Variants in NEB observed in about 807,000 individuals in gnomAD.
The protein encoded by NEB is nemaline myopathy type 2.
A neutral mutation model predicts 952.2 loss-of-function variants in NEB; 512 were observed. The observed-to-expected ratio is 0.54, with a 90% CI of 0.50 to 0.58. The LOEUF is 0.58. Among genes scored for constraint, NEB ranks in the 20% least tolerant of loss-of-function variants. The pLI is 0.00. For missense variants in NEB, 8,428 were observed against 9,231.1 expected (o/e 0.91, Z 3.56); for synonymous variants, 2,900 against 3,149.8 (o/e 0.92, Z 2.66).
chr2:151,506,604 G>T (rs964761324), intron 163 of NEB, among the ~76,000 whole-genome samples: 2 of 152,134 alleles, frequency 1.3e-5, no homozygotes, highest in Non-Finnish European at 2.9e-5. Context: ...TTGGGGGAGG[G>T]ATAACAAAAG....
intron 10 of NEB, among the ~76,000 whole-genome samples, chr2:151,715,069 C>T (rs1285096141): frequency 6.6e-6 from 1 of 152,206 alleles, no homozygotes. Context: ...CCACAGCCAC[C>T]TCCCCTTAGC....
At chr2:151,564,555 G>A (rs1276464666) in intron 117 of NEB, among the ~76,000 whole-genome samples, 3 of 152,048 alleles carry the variant, frequency 2.0e-5, no homozygotes, top group African/African-American at 7.2e-5. Context: ...TTTCCCATTG[G>A]GTGCACACAT....
rs201291446 is a variant in NEB, at chr2:151,493,797, C to T, written c.24650G>A (p.Arg8217His). 61 of 1,582,370 alleles carry T rather than the reference C, an allele frequency of 3.9e-5. No individual in the cohort carries two copies. The East Asian group carries it at 7.9e-4, about 21-fold the overall frequency. ...TACCGAGCTAAAGTTTTCTTGATTG[C>T]GTTTCACTCTTTCCATCTCAGGAGT... is the stretch of plus-strand genomic sequence containing the variant. ...PFTPEMERVK[R>H]NQENFSSVLY... The change falls in exon 175 of 182, where the codon CGC becomes CAC. Residue 8217 changes from arginine to histidine, a missense_variant. Around this residue, in one of 11 missense-constraint regions of NEB, gnomAD observed 3,374 missense variants for 3,651.5 expected, o/e 0.92. Coordinates refer to ENST00000397345, the MANE Select transcript of NEB (RefSeq NM_001164508.2).
intron 75 of NEB, among the ~76,000 whole-genome samples, chr2:151,616,382 G>C (rs1026340978): frequency 4.6e-5 from 7 of 151,744 alleles, no homozygotes; most frequent in African/African-American, 1.7e-4. Flanking sequence ...CAAACAAGCA[G>C]ATGTAAAAAA....
chr2:151,621,043 T>G lies in NEB; in HGVS notation c.10453-17A>C, dbSNP rs2154027977. ...ATAGAGGCTCTGAGGAAAGAAGGAG[T>G]AGCTTTTAAATATAGAATTCACATT... On this transcript the variant is annotated splice_polypyrimidine_tract_variant and intron_variant, in intron 71 of 181. Transcript: ENST00000397345. 1.9e-6 allele frequency: 3 copies of G among 1,571,440 alleles called. No individual in the cohort carries two copies. The highest frequency in any genetic ancestry group is 2.6e-6 in the Non-Finnish European group (3 of 1,150,864).
At chr2:151,502,431 A>G (rs2065418490) in intron 167 of NEB, among the ~76,000 whole-genome samples, 1 of 152,148 alleles carries the variant, frequency 6.6e-6, no homozygotes, top group African/African-American at 2.4e-5. Flanking sequence ...AGAATACATT[A>G]AACAGCCACA....
In NEB at chr2:151,682,686, CT is replaced by C; in HGVS notation, c.2918del (p.Lys973SerfsTer84). 6.2e-7 allele frequency: 1 copy of C among 1,613,070 alleles called. No homozygotes were observed. Among genetic ancestry groups the C allele is most frequent in the Non-Finnish European group, 8.5e-7 (1 of 1,179,396 alleles). Reference sequence around the variant, plus strand: ...CCTCATTGAGGATGTCTGAAGCTCGCTTTGCCTTTTCCATTTCTAAGGACCC... The same window carrying C: ...CCTCATTGAGGATGTCTGAAGCTCGCTTGCCTTTTCCATTTCTAAGGACCC... The part of the protein sequence containing the change: ...PFGSLEMEKA[K>X]RASDILNEKK... On this transcript the variant is annotated frameshift_variant, in exon 29 of 182. Transcript: ENST00000397345. LOFTEE classifies it high-confidence loss of function.
chr2:151,673,583 CAG>C (rs2099326565), intron 36 of NEB, among the ~76,000 whole-genome samples: 1 of 152,130 alleles, frequency 6.6e-6, no homozygotes, highest in African/African-American at 2.4e-5. Context: ...AGGAAAGTAG[CAG>C]AGTTTTTACA....
intron 63 of NEB, among the ~76,000 whole-genome samples, chr2:151,638,734 G>A (rs189043507): frequency 1.6e-4 from 25 of 152,198 alleles, no homozygotes; most frequent in East Asian, 9.7e-4. Context: ...ATGATGGCAC[G>A]TGGCCCTGTG....
chr2:151,566,208 AG>A (rs1476873881), intron 114 of NEB, among the ~76,000 whole-genome samples: 1 of 152,202 alleles, frequency 6.6e-6, no homozygotes, highest in East Asian at 1.9e-4. Flanking sequence ...GTCACGTAGA[AG>A]TATGTGGGGC....
rs115403439 is a variant in NEB, at chr2:151,669,270, G to C, written c.4507-139C>G. 600 of 629,840 alleles carry C rather than the reference G, an allele frequency of 9.5e-4. 2 individuals carry two copies. The African/African-American group carries it at 9.8e-3, about 10-fold the overall frequency. 39.0% of individuals were successfully genotyped at this position (629,840 alleles called of 1,614,324 possible). A position where few individuals can be genotyped will look rare whatever the true frequency, so the allele number is the denominator to read the frequency against. On this transcript the variant is annotated intron_variant, in intron 38 of 181. Transcript: ENST00000397345. ...CAAATACCTACTCTGTCATAAGGGA[G>C]GGGCCCTGGTAGATGCATTTATGTT...
At chr2:151,638,539 T>C (rs573487321) in intron 63 of NEB, among the ~76,000 whole-genome samples, 2 of 152,358 alleles carry the variant, frequency 1.3e-5, no homozygotes, top group East Asian at 1.9e-4. Flanking sequence ...GAGAGAAATG[T>C]TGTGACTCAA....
intron 93 of NEB, 151 bp downstream of exon 93, chr2:151,593,856 G>C: frequency 6.7e-6 from 1 of 148,958 alleles, no homozygotes; most frequent in East Asian, 1.2e-4. Flanking sequence ...CTATAAGATA[G>C]AAAATGTCTG....
chr2:151,615,913 T>A, intron 76 of NEB, 89 bp downstream of exon 76: 1 of 937,566 alleles, frequency 1.1e-6, no homozygotes, highest in Non-Finnish European at 1.6e-6. Context: ...CTTATAGGGG[T>A]AACTAAATTT....
In NEB at chr2:151,682,414, G is replaced by A. The variant is rs146122727; in HGVS notation, c.2943+248C>T. On this transcript the variant is annotated intron_variant, in intron 29 of 181. Coordinates refer to ENST00000397345, the MANE Select transcript of NEB (RefSeq NM_001164508.2). ...TGGCTAACATAAATGAATGGTTAAC[G>A]TAAATGGTTAACAAGTTATACCTTA... Among the ~76,000 whole-genome samples the A allele has an allele frequency of 9.8e-3, 1,490 of 152,236 alleles. 10 individuals carry two copies. The highest frequency in any genetic ancestry group is 0.017 in the Middle Eastern group (5 of 294).
At chr2:151,563,223 C>T (rs1168367184) in intron 119 of NEB, among the ~76,000 whole-genome samples, 2 of 152,042 alleles carry the variant, frequency 1.3e-5, no homozygotes, top group Admixed American at 6.6e-5. Context: ...CCATGTTGGC[C>T]AGGCCAGTCT....
chr2:151,624,387 T>C (rs1298871539), intron 71 of NEB, among the ~76,000 whole-genome samples: 2 of 152,088 alleles, frequency 1.3e-5, no homozygotes, highest in African/African-American at 4.8e-5. Context: ...GATTAAGAGC[T>C]TCATTATAAT....
intron 167 of NEB, among the ~76,000 whole-genome samples, chr2:151,502,430 T>C (rs2065416118): frequency 6.6e-6 from 1 of 151,814 alleles, no homozygotes; most frequent in African/African-American, 2.4e-5. Flanking sequence ...AAGAATACAT[T>C]AAACAGCCAC....
intron 68 of NEB, among the ~76,000 whole-genome samples, chr2:151,628,455 C>A (rs2098576290): frequency 1.3e-5 from 2 of 152,296 alleles, no homozygotes; most frequent in South Asian, 2.1e-4. Context: ...TACAAAAAAG[C>A]ATTTTGTTGT....
Sources: allele counts gnomAD v4.1 joint callset (sites outside exome capture counted in the v4.1 genomes callset), GRCh38; gene constraint gnomAD v4.1.1; regional missense constraint gnomAD v4.1.1; transcripts MANE v1.5; gene names NCBI Gene and HGNC (gene_info 2026-07-23, HGNC 2026-07-21).